The following RAB23 variants were observed in gnomAD, a reference collection of about 807,000 sequenced individuals.
RAB23 encodes the protein ras-related protein Rab-23.
In RAB23, 15 loss-of-function variants were observed where a neutral mutation model predicts 30.0. That is an observed-to-expected ratio of 0.50 (90% CI 0.33 to 0.77). The LOEUF is 0.77. RAB23 is among the 30% of genes least tolerant of loss of function. The probability of loss-of-function intolerance (pLI) is 0.02; values close to 1 mark genes in which losing one functional copy is unlikely to be tolerated. For synonymous variants in RAB23, 93 were observed against 94.0 expected (o/e 0.99, Z 0.06); for missense variants, 243 against 275.4 (o/e 0.88, Z 0.83).
intron 3 of RAB23, among the ~76,000 whole-genome samples, chr6:57,202,968 T>A (rs1343734310): frequency 6.6e-6 from 1 of 150,876 alleles, no homozygotes; most frequent in Non-Finnish European, 1.5e-5. Flanking sequence ...TTTAATACAG[T>A]CAGCTAAAAA....
intron 3 of RAB23, 87 bp from the exon 4 acceptor site, chr6:57,196,693 A>T: frequency 6.6e-7 from 1 of 1,524,382 alleles, no homozygotes; most frequent in Non-Finnish European, 8.9e-7. Flanking sequence ...CTCATGAAGA[A>T]TGGGGGCAAC....
intron 1 of RAB23, among the ~76,000 whole-genome samples, chr6:57,211,316 C>T (rs1033404820): frequency 8.6e-5 from 13 of 151,968 alleles, no homozygotes; most frequent in African/African-American, 2.7e-4. Flanking sequence ...ATAAATTAGC[C>T]GAGTGTAGTG....
chr6:57,197,065 T>C (rs938116365), intron 3 of RAB23, among the ~76,000 whole-genome samples: 1 of 152,182 alleles, frequency 6.6e-6, no homozygotes, highest in African/African-American at 2.4e-5. Context: ...AAAATGTCAT[T>C]TGCTTAATTT....
intron 6 of RAB23, 45 bp from the exon 7 acceptor site, chr6:57,190,645 A>G: frequency 6.2e-7 from 1 of 1,601,186 alleles, no homozygotes; most frequent in Non-Finnish European, 8.6e-7. Context: ...GACACGCCTG[A>G]GTTACCTGTT....
chr6:57,190,273 A>G lies in RAB23; in HGVS notation c.*188T>C. 2 of 638,526 alleles carry G rather than the reference A, an allele frequency of 3.1e-6. No individual in the cohort carries two copies. The highest frequency in any genetic ancestry group is 5.4e-6 in the Non-Finnish European group (2 of 372,256). The allele number at this position is 638,526 out of a possible 1,614,324, so 39.6% of individuals were successfully genotyped here. A position where few individuals can be genotyped will look rare whatever the true frequency, so the allele number is the denominator to read the frequency against. On this transcript the variant is annotated 3_prime_UTR_variant, in exon 7 of 7. Coordinates refer to ENST00000468148, the MANE Select transcript of RAB23 (RefSeq NM_016277.5). ...AAAAAATTAAAGGAGTCCACAGGGC[A>G]ATAATTTTTCCACCAGAGGTCTCAC...
intron 5 of RAB23, 76 bp from the exon 6 acceptor site, chr6:57,194,010 A>G (rs1764934382): frequency 1.3e-6 from 2 of 1,536,374 alleles, no homozygotes; most frequent in African/African-American, 1.4e-5. Flanking sequence ...ATCATTTGTA[A>G]TATTTATACT....
intron 3 of RAB23, among the ~76,000 whole-genome samples, chr6:57,197,506 T>C (rs1765068952): frequency 6.6e-6 from 1 of 152,192 alleles, no homozygotes; most frequent in Non-Finnish European, 1.5e-5. Flanking sequence ...GCATGTTTTC[T>C]TACCATTACT....
Position 57,210,102 on chromosome 6 carries a change from G to C in RAB23, c.155+124C>G, listed in dbSNP as rs978570006. 4.1e-6 allele frequency: 4 copies of C among 967,924 alleles called. No individual in the cohort carries two copies. In the African/African-American group the frequency reaches 4.9e-5, roughly 12 times the overall value. 60.0% of individuals were successfully genotyped at this position (967,924 alleles called of 1,614,324 possible). On this transcript the variant is annotated intron_variant, in intron 2 of 6. Coordinates refer to ENST00000468148, the MANE Select transcript of RAB23 (RefSeq NM_016277.5). ...TGTCATGAAAACCACCATCACTGTC[G>C]CATGAGCATTGCCACTAGTTGCCAC...
chr6:57,193,820 C>A, intron 6 of RAB23, 22 bp downstream of exon 6: 1 of 1,610,242 alleles, frequency 6.2e-7, no homozygotes, highest in Non-Finnish European at 8.5e-7. Flanking sequence ...TAAACATGGG[C>A]TAAAATTTCC....
chr6:57,208,626 C>CAAAAA (rs1168854982), intron 2 of RAB23, among the ~76,000 whole-genome samples: 5 of 46,914 alleles, frequency 1.1e-4, no homozygotes, highest in Non-Finnish European at 1.6e-4. Flanking sequence ...GACTCTGTCT[C>CAAAAA]AAAAAAAAAA....
intron 6 of RAB23, among the ~76,000 whole-genome samples, 166 bp downstream of exon 6, chr6:57,193,675 AC>A (rs530625521): frequency 2.0e-4 from 30 of 152,196 alleles, no homozygotes; most frequent in Non-Finnish European, 3.4e-4. Context: ...TGGCAAAAAA[AC>A]CCCCATTAAC....
At chr6:57,220,275 G>C (rs899014412) in intron 1 of RAB23, among the ~76,000 whole-genome samples, 5 of 152,150 alleles carry the variant, frequency 3.3e-5, no homozygotes, top group African/African-American at 4.8e-5. Context: ...GGAGTATGTG[G>C]AGCAACTAGA....
Position 57,188,013 on chromosome 6 carries a change from A to ACTC in RAB23, c.*2445_*2447dup, listed in dbSNP as rs1764675353. The ACTC allele has an allele frequency of 6.6e-6, 1 of 152,188 alleles. No homozygotes were observed. Among genetic ancestry groups the ACTC allele is most frequent in the Non-Finnish European group, 1.5e-5 (1 of 68,022 alleles). 9.4% of individuals were successfully genotyped at this position (152,188 alleles called of 1,614,324 possible). A position where few individuals can be genotyped will look rare whatever the true frequency, so the allele number is the denominator to read the frequency against. On this transcript the variant is annotated 3_prime_UTR_variant, in exon 7 of 7. Transcript: ENST00000468148. ...GGAAAAGGAAAAGGAAACCTGAGGAACTCTGAAATATGGCAGTTATTCCAC... is the reference window on the plus strand; with the variant it reads ...GGAAAAGGAAAAGGAAACCTGAGGAACTCCTCTGAAATATGGCAGTTATTCCAC...
rs555692169 is a variant in RAB23 at position 57,193,018 on chromosome 6, A to G, written c.574+824T>C. ...AAACCACCTTTAAATGTTGGATTGAAGAGAATCTGCATTTACTTTGTTCCA... is the reference window on the plus strand; with the variant it reads ...AAACCACCTTTAAATGTTGGATTGAGGAGAATCTGCATTTACTTTGTTCCA... On this transcript the variant is annotated intron_variant, in intron 6 of 6. Transcript: ENST00000468148. Among the ~76,000 whole-genome samples the G allele has an allele frequency of 2.6e-5, 4 of 152,330 alleles. No individual in the cohort carries two copies. The East Asian group carries it at 7.7e-4, about 29-fold the overall frequency.
chr6:57,221,090 ATAAAT>A (rs1173907795), intron 1 of RAB23, among the ~76,000 whole-genome samples: 2 of 152,206 alleles, frequency 1.3e-5, no homozygotes. Context: ...ATGCGGTCTA[ATAAAT>A]TAGAGAAGCA....
chr6:57,196,141 C>T (rs969007082), intron 4 of RAB23, among the ~76,000 whole-genome samples: 6 of 152,022 alleles, frequency 3.9e-5, no homozygotes, highest in Admixed American at 3.9e-4. Context: ...ACATTCTTAC[C>T]ATATTAAGGT....
intron 6 of RAB23, among the ~76,000 whole-genome samples, chr6:57,192,950 T>C (rs1394261091): frequency 1.3e-5 from 2 of 152,090 alleles, no homozygotes; most frequent in African/African-American, 4.8e-5. Context: ...ATGGGTTACA[T>C]AGATGTAATG....
intron 6 of RAB23, among the ~76,000 whole-genome samples, chr6:57,191,833 T>C (rs1764852952): frequency 6.6e-6 from 1 of 151,406 alleles, no homozygotes; most frequent in Non-Finnish European, 1.5e-5. Flanking sequence ...GTAACAACAG[T>C]ATTTCTGAGT....
Position 57,190,340 on chromosome 6 carries a change from T to C in RAB23, c.*121A>G. On this transcript the variant is annotated 3_prime_UTR_variant, in exon 7 of 7. Coordinates refer to ENST00000468148, the MANE Select transcript of RAB23 (RefSeq NM_016277.5). ...CACTGCAGAGCAATATTTAAGTCTGTCACTTTCAGAGAGCCATTAGGAGCA... is the reference window on the plus strand; with the variant it reads ...CACTGCAGAGCAATATTTAAGTCTGCCACTTTCAGAGAGCCATTAGGAGCA... 1 of 1,180,736 alleles carries C rather than the reference T, an allele frequency of 8.5e-7. No homozygotes were observed. Among genetic ancestry groups the C allele is most frequent in the African/African-American group, 1.5e-5 (1 of 66,294 alleles). The allele number at this position is 1,180,736 out of a possible 1,614,324, so 73.1% of individuals were successfully genotyped here.
Sources: allele counts gnomAD v4.1 joint callset (sites outside exome capture counted in the v4.1 genomes callset), GRCh38; gene constraint gnomAD v4.1.1; transcripts MANE v1.5; gene names NCBI Gene and HGNC (gene_info 2026-07-23, HGNC 2026-07-21).